Variants in TIAM2 observed in about 807,000 individuals in gnomAD.
TIAM2 encodes the protein TIAM Rac1 associated GEF 2.
Under a neutral mutation model 152.9 loss-of-function variants are expected in TIAM2, and 80 were observed. The ratio of observed to expected loss-of-function variants is 0.52; its 90% confidence interval spans 0.44 to 0.63. TIAM2 has a LOEUF of 0.63. Among genes scored for constraint, TIAM2 ranks in the 30% least tolerant of loss-of-function variants. The pLI is 0.00. For missense variants in TIAM2, 1,965 were observed against 2,120.1 expected, an observed-to-expected ratio of 0.93 and a Z score of 1.44; for synonymous variants, 804 against 838.0, an observed-to-expected ratio of 0.96 and a Z score of 0.70.
chr6:155,223,258 T>A (rs563691565), intron 15 of TIAM2, among the ~76,000 whole-genome samples: 3 of 152,218 alleles, frequency 2.0e-5, no homozygotes, highest in South Asian at 2.1e-4. Context: ...TGTGTCTTAA[T>A]ATTATTGATA....
Position 155,129,637 on chromosome 6 carries a change from C to T in TIAM2, c.414C>T (p.Leu138=). The part of the protein sequence containing the change: ...ITSRDCNGHL[L]NCYGRNESIA... ...CCAGAGACTGCAACGGACACCTTCT[C>T]AACTGCTACGGGAGGAATGAGAGCA... The change falls in exon 4 of 27, where the codon CTC becomes CTT. Residue 138 remains leucine, a synonymous_variant. Coordinates refer to ENST00000682666, the MANE Select transcript of TIAM2 (RefSeq NM_012454.4). This position sits in a 1 kb window ranked among gnomAD's most constrained non-coding sequence, Gnocchi z 4.8. 1 of 1,614,148 alleles carries T rather than the reference C, an allele frequency of 6.2e-7. No individual in the cohort carries two copies. The highest frequency in any genetic ancestry group is 8.5e-7 in the Non-Finnish European group (1 of 1,180,044).
intron 24 of TIAM2, chr6:155,253,255 G>C (rs1176092797): frequency 6.0e-6 from 3 of 500,980 alleles, no homozygotes; most frequent in African/African-American, 3.9e-5. Flanking sequence ...CTTTTTCTTT[G>C]CCAAATGCCT....
Position 155,154,228 on chromosome 6 carries a change from C to G in TIAM2, c.2028+5894C>G, listed in dbSNP as rs181134441. 2.0e-4 allele frequency among the ~76,000 whole-genome samples: 31 copies of G among 152,296 alleles called. No homozygotes were observed. In the East Asian group the frequency reaches 4.0e-3, roughly 20 times the overall value. On this transcript the variant is annotated intron_variant, in intron 7 of 26. Transcript: ENST00000682666. ...GTAGCTTCCTCCCCAGCGGTTTTCCCTGAAAACCTCAGATGTAGTCATTTC... is the reference window on the plus strand; with the variant it reads ...GTAGCTTCCTCCCCAGCGGTTTTCCGTGAAAACCTCAGATGTAGTCATTTC...
chr6:155,247,170 C>T (rs771486748), intron 19 of TIAM2, among the ~76,000 whole-genome samples: 3 of 152,210 alleles, frequency 2.0e-5, no homozygotes, highest in Non-Finnish European at 4.4e-5. Context: ...CCTTACTTTA[C>T]AGGAGAAAAG....
At chr6:155,141,592 A>C (rs1197559844) in intron 5 of TIAM2, among the ~76,000 whole-genome samples, 1 of 152,196 alleles carries the variant, frequency 6.6e-6, no homozygotes, top group Non-Finnish European at 1.5e-5. Context: ...ATAAATTTTC[A>C]ACAAGGGTAA....
intron 7 of TIAM2, among the ~76,000 whole-genome samples, chr6:155,151,849 CT>C (rs5881123): frequency 1.9e-4 from 24 of 127,646 alleles, no homozygotes; most frequent in Admixed American, 2.6e-4. Context: ...CTTTTTTTTT[CT>C]TTTTTTTTTT....
At chr6:155,173,575 C>T (rs1231191020) in intron 9 of TIAM2, among the ~76,000 whole-genome samples, 1 of 152,158 alleles carries the variant, frequency 6.6e-6, no homozygotes, top group East Asian at 1.9e-4. Context: ...ATACTGAAAA[C>T]GGACAGCGTT....
In TIAM2 at chr6:155,137,269, T is replaced by C; in HGVS notation, c.1287T>C (p.Phe429=). ...AGGGATCCTCCCAGGCATCTGCTTT[T>C]CTGTGGTCAGGGGGCTCTACTCAGA... is the stretch of plus-strand genomic sequence containing the variant. ...DVQGSSQASA[F]LWSGGSTQIL... is the part of the protein sequence containing the mutation. The change falls in exon 5 of 27, where the codon TTT becomes TTC. Residue 429 remains phenylalanine, a synonymous_variant. Coordinates refer to ENST00000682666, the MANE Select transcript of TIAM2 (RefSeq NM_012454.4). The C allele has an allele frequency of 1.2e-6, 2 of 1,614,244 alleles. No individual in the cohort carries two copies. The highest frequency in any genetic ancestry group is 1.7e-6 in the Non-Finnish European group (2 of 1,180,046).
chr6:155,173,734 C>A (rs1281289174), intron 9 of TIAM2, among the ~76,000 whole-genome samples: 1 of 152,222 alleles, frequency 6.6e-6, no homozygotes, highest in Non-Finnish European at 1.5e-5. Flanking sequence ...TGGTATTCAT[C>A]TTCTCCTGGT....
intron 12 of TIAM2, among the ~76,000 whole-genome samples, chr6:155,181,494 C>T (rs1157932511): frequency 2.0e-5 from 3 of 152,082 alleles, no homozygotes; most frequent in Non-Finnish European, 4.4e-5. Context: ...TAAAATTTAT[C>T]GTCTTGACCA....
intron 2 of TIAM2, among the ~76,000 whole-genome samples, chr6:155,110,678 T>G (rs1778818059): frequency 6.6e-6 from 1 of 152,140 alleles, no homozygotes; most frequent in South Asian, 2.1e-4. Context: ...CTTCTGTGCC[T>G]TACAAAAAAG....
At chr6:155,148,483 AT>A in intron 7 of TIAM2, 149 bp downstream of exon 7, 1 of 819,450 alleles carries the variant, frequency 1.2e-6, no homozygotes, top group Non-Finnish European at 1.9e-6. Context: ...GTGGTTTTTC[AT>A]TTTAGGTACC....
At chr6:155,152,418 G>A (rs902120456) in intron 7 of TIAM2, among the ~76,000 whole-genome samples, 8 of 152,168 alleles carry the variant, frequency 5.3e-5, no homozygotes, top group African/African-American at 1.7e-4. Flanking sequence ...GCCAGGGGGC[G>A]TTCAGCTCCC....
intron 1 of TIAM2, among the ~76,000 whole-genome samples, chr6:155,048,870 G>A (rs1777262423): frequency 6.6e-6 from 1 of 151,058 alleles, no homozygotes; most frequent in Admixed American, 6.6e-5. Flanking sequence ...GTGCAATCTC[G>A]GCTCACTGCA....
At chr6:155,033,176 A>G (rs1363851207) in intron 1 of TIAM2, among the ~76,000 whole-genome samples, 5 of 152,178 alleles carry the variant, frequency 3.3e-5, no homozygotes, top group Non-Finnish European at 7.3e-5. Flanking sequence ...TATTCACTGC[A>G]GCCATGACGG....
intron 26 of TIAM2, chr6:155,255,635 C>CACAT (rs1554248817): frequency 6.6e-6 from 1 of 151,842 alleles, no homozygotes; most frequent in Non-Finnish European, 1.5e-5. Flanking sequence ...CACACACACA[C>CACAT]ACCTATAACA....
At chr6:155,245,768 T>TTTTGCA in intron 19 of TIAM2, 37 bp downstream of exon 19, 3 of 1,441,044 alleles carry the variant, frequency 2.1e-6, no homozygotes, top group Non-Finnish European at 2.8e-6. Context: ...TTTTTTTTTT[T>TTTTGCA]TTGCATTTTT....
At chr6:155,103,044 G>T (rs1210366739) in intron 2 of TIAM2, among the ~76,000 whole-genome samples, 3 of 152,074 alleles carry the variant, frequency 2.0e-5, no homozygotes, top group Non-Finnish European at 4.4e-5. Context: ...TTTAATTTTA[G>T]ATGCCTGTTA....
rs1026647906 is a variant in TIAM2 at position 155,009,849 on chromosome 6, C to G, written c.-209+14357C>G. ...CCATAGCTTTCTCTGATTCTGTATA[C>G]TCTTTTTTTTTTCTCTTTTTCCAGG... On this transcript the variant is annotated intron_variant, in intron 1 of 26. Transcript: ENST00000682666. Among the ~76,000 whole-genome samples, 4 of 151,906 alleles carry G rather than the reference C, an allele frequency of 2.6e-5. No homozygotes were observed. In the East Asian group the frequency reaches 7.7e-4, roughly 29 times the overall value.
Sources: gnomAD v4.1 joint callset for allele counts (sites outside exome capture counted in the v4.1 genomes callset) on GRCh38, gnomAD v4.1.1 for gene constraint, Gnocchi (gnomAD v3.1) non-coding constraint, MANE v1.5 for transcripts, NCBI Gene and HGNC (gene_info 2026-07-23, HGNC 2026-07-21) for gene names.